NPFFR1: variants seen among roughly 807,000 people sequenced by gnomAD.
NPFFR1 encodes the protein neuropeptide FF receptor 1.
A neutral mutation model predicts 12.7 loss-of-function variants in NPFFR1; 17 were observed. That is an observed-to-expected ratio of 1.34 (90% CI 0.92 to 2.01). NPFFR1 has a LOEUF of 2.01. Ranked by LOEUF, NPFFR1 falls within the 30% of genes most tolerant of loss-of-function variation. NPFFR1 has a pLI of 0.00. For synonymous variants in NPFFR1, 296 were observed against 264.5 expected, an observed-to-expected ratio of 1.12 and a Z score of -1.16; for missense variants, 604 against 606.5, an observed-to-expected ratio of 1.00 and a Z score of 0.04.
intron 2 of NPFFR1, among the ~76,000 whole-genome samples, chr10:70,264,215 A>G (rs928687165): frequency 6.6e-6 from 1 of 152,004 alleles, no homozygotes; most frequent in East Asian, 1.9e-4. Context: ...CTCTACTAAA[A>G]ATACAAAAAT....
intron 1 of NPFFR1, among the ~76,000 whole-genome samples, chr10:70,267,039 T>C (rs1840701523): frequency 6.6e-6 from 1 of 152,218 alleles, no homozygotes; most frequent in Non-Finnish European, 1.5e-5. Flanking sequence ...CCCTCTCTTC[T>C]TCCATTAAAC....
In NPFFR1 at chr10:70,251,721, T is replaced by A. The variant is rs888798074; in HGVS notation, c.*3236A>T. 1 of 152,236 alleles carries A rather than the reference T, an allele frequency of 6.6e-6. No individual in the cohort carries two copies. The highest frequency in any genetic ancestry group is 2.4e-5 in the African/African-American group (1 of 41,444). The allele number at this position is 152,236 out of a possible 1,614,324, so 9.4% of individuals were successfully genotyped here. On this transcript the variant is annotated 3_prime_UTR_variant, in exon 4 of 4. Coordinates refer to ENST00000277942, the MANE Select transcript of NPFFR1 (RefSeq NM_022146.5). ...CAACCTGGAGGTGGAGGATGGCGTG[T>A]CAGGAATGGTCCACACCACTTGCCC...
At chr10:70,275,839 A>G (rs1028091891) in intron 1 of NPFFR1, among the ~76,000 whole-genome samples, 1 of 152,218 alleles carries the variant, frequency 6.6e-6, no homozygotes, top group African/African-American at 2.4e-5. Context: ...ATCTCTGACA[A>G]GGAAAGGAGA....
chr10:70,277,956 G>C lies in NPFFR1; in HGVS notation c.7+5714C>G, dbSNP rs929034463. ...TGGGGAAGACTTCTGGGCCCTCAGA[G>C]AACCCTCCAGGCCATTGTTTTAATC... is the stretch of plus-strand genomic sequence containing the variant. On this transcript the variant is annotated intron_variant, in intron 1 of 3. Coordinates refer to ENST00000277942, the MANE Select transcript of NPFFR1 (RefSeq NM_022146.5). 7.7e-6 allele frequency: 4 copies of C among 519,728 alleles called. No homozygotes were observed. In the African/African-American group the frequency reaches 7.7e-5, roughly 10 times the overall value. 32.2% of individuals were successfully genotyped at this position (519,728 alleles called of 1,614,324 possible).
In NPFFR1 at chr10:70,248,068, C is replaced by G. The variant is rs1040923815; in HGVS notation, c.*6889G>C. 1 of 152,174 alleles carries G rather than the reference C, an allele frequency of 6.6e-6. No individual in the cohort carries two copies. The highest frequency in any genetic ancestry group is 1.5e-5 in the Non-Finnish European group (1 of 68,022). 9.4% of individuals were successfully genotyped at this position (152,174 alleles called of 1,614,324 possible). On this transcript the variant is annotated 3_prime_UTR_variant, in exon 4 of 4. Transcript: ENST00000277942. ...TTTTAGGATTATGGGAGACCTCCAT[C>G]AAGGCTCTTTCTTTTACTCTGAACC...
intron 2 of NPFFR1, among the ~76,000 whole-genome samples, chr10:70,264,366 C>CAAAAAAAAAAAAAAAAAAAA (rs56178146): frequency 1.3e-5 from 1 of 74,582 alleles, no homozygotes; most frequent in African/African-American, 5.5e-5. Flanking sequence ...AGTGAGACTC[C>CAAAAAAAAAAAAAAAAAAAA]AAAAAAAAAA....
chr10:70,282,038 T>C (rs1251453542), intron 1 of NPFFR1, among the ~76,000 whole-genome samples: 1 of 152,192 alleles, frequency 6.6e-6, no homozygotes, highest in Non-Finnish European at 1.5e-5. Context: ...AATCAGGACA[T>C]TTGCCCATCT....
rs190414917 is a variant in NPFFR1 at position 70,273,116 on chromosome 10, C to A, written c.8-6725G>T. Among the ~76,000 whole-genome samples, 11 of 152,280 alleles carry A rather than the reference C, an allele frequency of 7.2e-5. No individual in the cohort carries two copies. In the East Asian group the frequency reaches 2.1e-3, roughly 29 times the overall value. On this transcript the variant is annotated intron_variant, in intron 1 of 3. Transcript: ENST00000277942. ...TGATGTCACTGGTTCTTGGCCCTGA[C>A]TCATATCAAAATCACCTGGCTTTTA...
rs760813210 is a variant in NPFFR1 at position 70,266,406 on chromosome 10, A to G, written c.8-15T>C. ...GGAGGGCTCCCCTAGGACCAAAGGA[A>G]TATATTGGTCAGGACCTTAGGCAAA... On this transcript the variant is annotated splice_polypyrimidine_tract_variant and intron_variant, in intron 1 of 3. Coordinates refer to ENST00000277942, the MANE Select transcript of NPFFR1 (RefSeq NM_022146.5). 6.3e-7 allele frequency: 1 copy of G among 1,596,594 alleles called. No homozygotes were observed. Among genetic ancestry groups the G allele is most frequent in the Non-Finnish European group, 8.6e-7 (1 of 1,168,472 alleles).
intron 3 of NPFFR1, among the ~76,000 whole-genome samples, chr10:70,258,317 A>G (rs1466140486): frequency 1.3e-5 from 2 of 148,340 alleles, no homozygotes; most frequent in African/African-American, 4.9e-5. Context: ...AAAAAAAAAA[A>G]GCTCCTGGAG....
chr10:70,256,997 T>G (rs1840579159), intron 3 of NPFFR1, among the ~76,000 whole-genome samples: 1 of 152,228 alleles, frequency 6.6e-6, no homozygotes, highest in South Asian at 2.1e-4. Context: ...TCAGGTGCCA[T>G]GGTTCATGCT....
At chr10:70,257,572 C>T (rs1840584978) in intron 3 of NPFFR1, among the ~76,000 whole-genome samples, 1 of 152,246 alleles carries the variant, frequency 6.6e-6, no homozygotes, top group Non-Finnish European at 1.5e-5. Flanking sequence ...AGTTTCTCCC[C>T]ATATGATAGT....
chr10:70,278,038 T>C, intron 1 of NPFFR1: 1 of 511,954 alleles, frequency 2.0e-6, no homozygotes, highest in East Asian at 5.5e-5. Flanking sequence ...CCTGTCAGCC[T>C]CCACTTGCTC....
chr10:70,273,632 G>A (rs1840772034), intron 1 of NPFFR1, among the ~76,000 whole-genome samples: 2 of 152,076 alleles, frequency 1.3e-5, no homozygotes, highest in South Asian at 4.2e-4. Context: ...TCCTCACATG[G>A]AGCTTTTGAG....
Position 70,266,066 on chromosome 10 carries a change from C to T in NPFFR1, c.322+11G>A. 6.2e-7 allele frequency: 1 copy of T among 1,611,162 alleles called. No homozygotes were observed. Among genetic ancestry groups the T allele is most frequent in the Non-Finnish European group, 8.5e-7 (1 of 1,178,214 alleles). The stretch of plus-strand genomic sequence containing the variant: ...TAGGGGACACTCCTGCTGCCAACTG[C>T]CCGCACTCACCAGTGATGAGGTTGT... On this transcript the variant is annotated intron_variant, in intron 2 of 3. Transcript: ENST00000277942.
chr10:70,257,403 G>T (rs1589909400), intron 3 of NPFFR1, among the ~76,000 whole-genome samples: 1 of 152,218 alleles, frequency 6.6e-6, no homozygotes, highest in African/African-American at 2.4e-5. Flanking sequence ...AAGGTTTAAG[G>T]GATCTAGGGC....
chr10:70,275,411 A>G (rs1266757697), intron 1 of NPFFR1, among the ~76,000 whole-genome samples: 3 of 152,112 alleles, frequency 2.0e-5, no homozygotes, highest in Admixed American at 6.5e-5. Flanking sequence ...GTGGGAGAGG[A>G]GGGGAAAGTA....
rs567591193 is a variant in NPFFR1 at position 70,272,104 on chromosome 10, G to A, written c.8-5713C>T. ...CGCATGCCAGCCTGGGCGACAGAGC[G>A]AGACTCTGCCTCAAAAAAGAGAAAG... On this transcript the variant is annotated intron_variant, in intron 1 of 3. Transcript: ENST00000277942. Among the ~76,000 whole-genome samples the A allele has an allele frequency of 2.2e-4, 33 of 147,438 alleles. 1 individual carries two copies. In the South Asian group the frequency reaches 3.0e-3, roughly 14 times the overall value.
intron 3 of NPFFR1, among the ~76,000 whole-genome samples, chr10:70,256,711 G>T (rs1840576595): frequency 6.6e-6 from 1 of 152,174 alleles, no homozygotes; most frequent in South Asian, 2.1e-4. Context: ...TTGATTTACA[G>T]ACAAGGAAAC....
Sources: allele counts gnomAD v4.1 joint callset (sites outside exome capture counted in the v4.1 genomes callset), GRCh38; gene constraint gnomAD v4.1.1; transcripts MANE v1.5; gene names NCBI Gene and HGNC (gene_info 2026-07-23, HGNC 2026-07-21).